ABR: variants seen among roughly 807,000 people sequenced by gnomAD.
ABR encodes ABR activator of RhoGEF and GTPase.
A neutral mutation model predicts 107.2 loss-of-function variants in ABR; 35 were observed. The observed-to-expected ratio is 0.33, with a 90% CI of 0.25 to 0.43. ABR has a LOEUF of 0.43. Among genes scored for constraint, ABR ranks in the 20% least tolerant of loss-of-function variants. ABR has a pLI of 1.00. For synonymous variants in ABR, 498 were observed against 462.0 expected (o/e 1.08, Z -1.00); for missense variants, 815 against 1,115.2 (o/e 0.73, Z 3.83).
At chr17:1,135,912 C>A (rs912674536) in intron 1 of ABR, among the ~76,000 whole-genome samples, 1 of 151,742 alleles carries the variant, frequency 6.6e-6, no homozygotes, top group African/African-American at 2.4e-5. Flanking sequence ...TAATGTGATT[C>A]TTCCAGTTTT....
At chr17:1,151,898 T>C (rs1567830721) in intron 1 of ABR, among the ~76,000 whole-genome samples, 1 of 151,848 alleles carries the variant, frequency 6.6e-6, no homozygotes, top group Non-Finnish European at 1.5e-5. Context: ...TGAGCGCCTG[T>C]AGTCCCAGCA....
At chr17:1,083,903 A>C in intron 4 of ABR, 1 of 396,528 alleles carries the variant, frequency 2.5e-6, no homozygotes, top group Non-Finnish European at 4.7e-6. Flanking sequence ...TAGAAATTCA[A>C]CTCTTCACAG....
chr17:1,109,178 C>A (rs1181779987), intron 2 of ABR: 2 of 1,363,932 alleles, frequency 1.5e-6, no homozygotes, highest in African/African-American at 3.1e-5. Flanking sequence ...TACACCCGCG[C>A]GCCCGGCCTG....
intron 16 of ABR, among the ~76,000 whole-genome samples, chr17:1,016,470 C>T (rs532938766): frequency 6.6e-6 from 1 of 151,980 alleles, no homozygotes; most frequent in Non-Finnish European, 1.5e-5. Context: ...GTGCCTGCCA[C>T]CACGCCCAGC....
chr17:1,205,026 C>G (rs751379666), intron 1 of ABR, among the ~76,000 whole-genome samples: 2 of 150,870 alleles, frequency 1.3e-5, no homozygotes, highest in African/African-American at 2.4e-5. Flanking sequence ...GCCTCAGCCT[C>G]CCAAGTAGCT....
chr17:1,025,333 CAAAT>C lies in ABR; in HGVS notation c.1792-12173_1792-12170del, dbSNP rs201193061. 7.1e-3 allele frequency among the ~76,000 whole-genome samples: 1,076 copies of C among 152,164 alleles called. 7 individuals carry two copies. Among genetic ancestry groups the C allele is most frequent in the South Asian group, 0.029 (138 of 4,806 alleles). On this transcript the variant is annotated intron_variant, in intron 16 of 22. Transcript: ENST00000302538. ...GCAAACAAAAACAAAAGAACCCAAACAAATAAATAAATAAACAGTGTGAATAACA... is the reference window on the plus strand; with the variant it reads ...GCAAACAAAAACAAAAGAACCCAAACAAATAAATAAACAGTGTGAATAACA...
chr17:1,056,089 A>G lies in ABR; in HGVS notation c.1507T>C (p.Tyr503His), dbSNP rs573129548. Reference sequence around the variant, plus strand: ...TGGACGATGACATGAAGGAAGCCATAGAGTCCTGGAGACTCATCGTCTGCA... The same window carrying G: ...TGGACGATGACATGAAGGAAGCCATGGAGTCCTGGAGACTCATCGTCTGCA... ...NKDDDESPGL[Y>H]GFLHVIVHSA... Residue 503 changes from tyrosine (Y) to histidine (H), a missense_variant, in exon 14 of 23, where the codon TAT (tyrosine) becomes CAT (histidine). By Grantham distance (83) the Tyr-to-His change is moderately conservative. Transcript: ENST00000302538. The G allele has an allele frequency of 2.2e-4, 352 of 1,614,196 alleles. 2 individuals are homozygous for G. The South Asian group carries it at 3.6e-3, about 16-fold the overall frequency.
chr17:1,067,192 A>G lies in ABR; in HGVS notation c.1067T>C (p.Val356Ala), dbSNP rs772380138. The G allele has an allele frequency of 6.2e-7, 1 of 1,612,662 alleles. No individual in the cohort carries two copies. Among genetic ancestry groups the G allele is most frequent in the East Asian group, 2.2e-5 (1 of 44,818 alleles). ...CTCAGACTCCTCGGGGGATGGAAACACCAGGTCGGCCAGGGGGATGTACCA... is the reference window on the plus strand; with the variant it reads ...CTCAGACTCCTCGGGGGATGGAAACGCCAGGTCGGCCAGGGGGATGTACCA... The part of the protein sequence containing the change: ...CKWYIPLADL[V>A]FPSPEESEAS... The change falls in exon 10 of 23, where the codon GTG becomes GCG. Residue 356 changes from valine to alanine, a missense_variant. Physicochemically the swap from Val to Ala is moderately conservative, Grantham distance 64. Around this residue, in one of 5 missense-constraint regions of ABR, gnomAD observed 385 missense variants for 596.9 expected, o/e 0.64. Transcript: ENST00000302538.
chr17:1,116,476 G>A (rs765539775), intron 2 of ABR, among the ~76,000 whole-genome samples: 37 of 152,128 alleles, frequency 2.4e-4, no homozygotes, highest in African/African-American at 9.7e-5. Context: ...GCCAGAAGAC[G>A]GAGATCCCAG....
In ABR at chr17:1,051,576, G is replaced by A. The variant is rs1045219530; in HGVS notation, c.1562-942C>T. Among the ~76,000 whole-genome samples the A allele has an allele frequency of 5.9e-5, 9 of 152,166 alleles. No individual in the cohort carries two copies. The highest frequency in any genetic ancestry group is 7.2e-5 in the African/African-American group (3 of 41,440). On this transcript the variant is annotated intron_variant, in intron 14 of 22. Coordinates refer to ENST00000302538, the MANE Select transcript of ABR (RefSeq NM_021962.5). This position sits in a 1 kb window ranked among gnomAD's most constrained non-coding sequence, Gnocchi z 4.3. ...GCAAACCCACACCCGCCCTGGGCTC[G>A]GACCCCAGCAGTCCTCCCACCTCCA...
chr17:1,134,218 G>C (rs2151478100), intron 1 of ABR, among the ~76,000 whole-genome samples: 1 of 152,214 alleles, frequency 6.6e-6, no homozygotes, highest in South Asian at 2.1e-4. Context: ...TTTGAGACCA[G>C]CCTGCTCAAC....
At chr17:1,170,071 A>G (rs951971732) in intron 1 of ABR, among the ~76,000 whole-genome samples, 8 of 151,952 alleles carry the variant, frequency 5.3e-5, no homozygotes, top group Admixed American at 3.9e-4. Context: ...CCAGGAACAC[A>G]GCAATGCAGG....
chr17:1,010,941 G>A lies in ABR; in HGVS notation c.2102-78C>T, dbSNP rs2070484109. 1 of 1,566,796 alleles carries A rather than the reference G, an allele frequency of 6.4e-7. No homozygotes were observed. Among genetic ancestry groups the A allele is most frequent in the Non-Finnish European group, 8.7e-7 (1 of 1,151,762 alleles). ...TCCACCCCCGACCCATCCTGACACA[G>A]CCCCCACCCACTCCAGCTCTGGTTC... On this transcript the variant is annotated intron_variant, in intron 19 of 22. Coordinates refer to ENST00000302538, the MANE Select transcript of ABR (RefSeq NM_021962.5). The surrounding 1 kb of genome is among the most constrained non-coding windows in gnomAD (Gnocchi z 4.1).
At chr17:1,181,135 C>A (rs964587779), upstream of ABR, among the ~76,000 whole-genome samples, 3 of 152,348 alleles carry the variant, frequency 2.0e-5, no homozygotes, top group Admixed American at 2.0e-4. Flanking sequence ...TGGCCTTTGC[C>A]GGGGGCAGTG....
Position 1,072,697 on chromosome 17 carries a change from G to A in ABR, c.811C>T (p.Leu271Phe). 1 of 1,613,790 alleles carries A rather than the reference G, an allele frequency of 6.2e-7. No individual in the cohort carries two copies. The highest frequency in any genetic ancestry group is 2.2e-5 in the East Asian group (1 of 44,870). Residue 271 changes from leucine to phenylalanine, a missense_variant, in exon 8 of 23, where the codon CTC becomes TTC. Around this residue, in one of 5 missense-constraint regions of ABR, gnomAD observed 385 missense variants for 596.9 expected, o/e 0.64. Coordinates refer to ENST00000302538, the MANE Select transcript of ABR (RefSeq NM_021962.5). The part of the protein sequence containing the change: ...HPDYPLLQDA[L>F]RISQNFLSSI... Reference sequence around the variant, plus strand: ...GACAGGAAGTTCTGGGAGATGCGGAGGGCATCCTGCAGCAGCGGGTAGTCG... The same window carrying A: ...GACAGGAAGTTCTGGGAGATGCGGAAGGCATCCTGCAGCAGCGGGTAGTCG...
chr17:1,015,784 G>A (rs2071107088), intron 16 of ABR, among the ~76,000 whole-genome samples: 1 of 152,184 alleles, frequency 6.6e-6, no homozygotes, highest in Non-Finnish European at 1.5e-5. Context: ...TAAATATTAA[G>A]TAGCAGAGTA....
chr17:1,108,102 A>C (rs2038382734), intron 2 of ABR, among the ~76,000 whole-genome samples: 1 of 152,222 alleles, frequency 6.6e-6, no homozygotes, highest in Non-Finnish European at 1.5e-5. Flanking sequence ...AACTCCCCGA[A>C]ACGCATCCTC....
intron 16 of ABR, among the ~76,000 whole-genome samples, chr17:1,021,649 C>CA (rs1306036743): frequency 2.0e-5 from 3 of 151,740 alleles, no homozygotes; most frequent in South Asian, 4.2e-4. Context: ...ACTAAAAATA[C>CA]AAAAATTAGC....
At chr17:1,189,927 G>A (rs1324330780), upstream of ABR, among the ~76,000 whole-genome samples, 1 of 152,166 alleles carries the variant, frequency 6.6e-6, no homozygotes, top group Non-Finnish European at 1.5e-5. Context: ...GAATGACCAA[G>A]CATATTCCTG....
Sources: allele counts gnomAD v4.1 joint callset (sites outside exome capture counted in the v4.1 genomes callset), GRCh38; gene constraint gnomAD v4.1.1; regional missense constraint gnomAD v4.1.1; non-coding constraint Gnocchi (gnomAD v3.1); transcripts MANE v1.5; gene names NCBI Gene and HGNC (gene_info 2026-07-23, HGNC 2026-07-21).